Variants in IQCM observed in about 807,000 individuals in gnomAD.
The protein encoded by IQCM is IQ motif containing M.
IQCM carries 45 observed loss-of-function variants against 57.6 expected under a neutral mutation model. The ratio of observed to expected loss-of-function variants is 0.78; its 90% confidence interval spans 0.62 to 1.00. The LOEUF (loss-of-function observed/expected upper bound fraction) is 1.00. IQCM is among the 50% of genes least tolerant of loss of function. The pLI is 0.00. For missense variants in IQCM, 468 were observed against 511.6 expected (o/e 0.91, Z 0.82); for synonymous variants, 148 against 158.9 (o/e 0.93, Z 0.51).
rs577635868 is a variant in IQCM, at chr4:149,772,002, T to C, written c.-48-29263A>G. 2.6e-5 allele frequency among the ~76,000 whole-genome samples: 4 copies of C among 152,262 alleles called. No homozygotes were observed. In the South Asian group the frequency reaches 8.3e-4, roughly 32 times the overall value. On this transcript the variant is annotated intron_variant, in intron 2 of 13. Coordinates refer to ENST00000636793, the MANE Select transcript of IQCM (RefSeq NM_001363507.2). Reference sequence around the variant, plus strand: ...CTAGTTCTGTCCAGGTTAGCATTTGTTCTGGTAAAAATGTCCTGGCTGAAA... The same window carrying C: ...CTAGTTCTGTCCAGGTTAGCATTTGCTCTGGTAAAAATGTCCTGGCTGAAA...
At chr4:149,756,138 A>G (rs889858043) in intron 2 of IQCM, among the ~76,000 whole-genome samples, 1 of 151,830 alleles carries the variant, frequency 6.6e-6, no homozygotes, top group Non-Finnish European at 1.5e-5. Flanking sequence ...TTATATATTC[A>G]CTCCCTAGAC....
chr4:149,453,179 CA>C (rs1737318605), intron 12 of IQCM, among the ~76,000 whole-genome samples: 1 of 151,568 alleles, frequency 6.6e-6, no homozygotes, highest in South Asian at 2.1e-4. Flanking sequence ...TACCTCACAC[CA>C]TACACAAAAA....
At chr4:149,401,529 A>C (rs1030014297) in intron 13 of IQCM, among the ~76,000 whole-genome samples, 1 of 151,756 alleles carries the variant, frequency 6.6e-6, no homozygotes, top group Non-Finnish European at 1.5e-5. Flanking sequence ...CCAGTTTTTT[A>C]ATCAATATTT....
At chr4:149,388,957 G>GC (rs1291381188) in intron 13 of IQCM, among the ~76,000 whole-genome samples, 2 of 151,102 alleles carry the variant, frequency 1.3e-5, no homozygotes, top group African/African-American at 4.9e-5. Flanking sequence ...CTTGATGGGT[G>GC]CCCTGTGAAG....
At chr4:149,774,475 G>A (rs1437901682) in intron 2 of IQCM, among the ~76,000 whole-genome samples, 1 of 152,036 alleles carries the variant, frequency 6.6e-6, no homozygotes, top group African/African-American at 2.4e-5. Flanking sequence ...ATATCCCCAC[G>A]TGTGTAGAAC....
At chr4:149,559,752 G>A (rs1385618508) in intron 10 of IQCM, among the ~76,000 whole-genome samples, 1 of 152,170 alleles carries the variant, frequency 6.6e-6, no homozygotes, top group Non-Finnish European at 1.5e-5. Context: ...GTTAGCACAC[G>A]TTATGTAATA....
At chr4:149,639,657 A>T (rs1316418259) in intron 7 of IQCM, among the ~76,000 whole-genome samples, 1 of 152,054 alleles carries the variant, frequency 6.6e-6, no homozygotes, top group African/African-American at 2.4e-5. Flanking sequence ...GCAGTGGCTC[A>T]TGCCTATAAT....
At chr4:149,476,230 C>G (rs1740172527) in intron 12 of IQCM, among the ~76,000 whole-genome samples, 1 of 152,026 alleles carries the variant, frequency 6.6e-6, no homozygotes, top group East Asian at 1.9e-4. Context: ...AGGCAGGGCA[C>G]TGGATAGAAA....
At chr4:149,653,376 TA>T (rs1579861810) in intron 7 of IQCM, among the ~76,000 whole-genome samples, 1 of 152,192 alleles carries the variant, frequency 6.6e-6, no homozygotes, top group East Asian at 1.9e-4. Flanking sequence ...TAAACTCTTC[TA>T]AAGGCAAGGT....
intron 9 of IQCM, among the ~76,000 whole-genome samples, chr4:149,582,903 G>A (rs987831747): frequency 4.1e-5 from 6 of 147,296 alleles, no homozygotes; most frequent in East Asian, 2.0e-4. Context: ...AAAATAAGAG[G>A]ACTTGATCTC....
At chr4:149,472,816 C>T (rs542158507) in intron 12 of IQCM, among the ~76,000 whole-genome samples, 1 of 152,016 alleles carries the variant, frequency 6.6e-6, no homozygotes, top group East Asian at 1.9e-4. Context: ...GAAATAATAC[C>T]ACACATCTAC....
chr4:149,493,822 A>T (rs1295821513), intron 12 of IQCM, among the ~76,000 whole-genome samples: 1 of 149,492 alleles, frequency 6.7e-6, no homozygotes, highest in Non-Finnish European at 1.5e-5. Flanking sequence ...CACTGAGGAG[A>T]AAAAAAAAAT....
intron 1 of IQCM, 108 bp from the exon 2 acceptor site, chr4:149,815,456 T>C (rs1774971667): frequency 6.6e-6 from 1 of 151,992 alleles, no homozygotes; most frequent in African/African-American, 2.4e-5. Context: ...ATAAACATAA[T>C]TTTATCAAAT....
chr4:149,383,680 A>T (rs1731227053), intron 13 of IQCM, among the ~76,000 whole-genome samples: 1 of 152,172 alleles, frequency 6.6e-6, no homozygotes, highest in Non-Finnish European at 1.5e-5. Context: ...TAAGCCGTGC[A>T]TGGTGGCTTA....
At chr4:149,602,976 A>C (rs780110445) in intron 8 of IQCM, among the ~76,000 whole-genome samples, 10 of 152,138 alleles carry the variant, frequency 6.6e-5, no homozygotes, top group Admixed American at 2.0e-4. Flanking sequence ...CACTGCAAGG[A>C]ATTTATTGTA....
At chr4:149,418,366 T>A (rs1413800215) in intron 13 of IQCM, among the ~76,000 whole-genome samples, 1 of 151,940 alleles carries the variant, frequency 6.6e-6, no homozygotes, top group Non-Finnish European at 1.5e-5. Context: ...CCTGGACACA[T>A]ACACCCTCCC....
intron 13 of IQCM, among the ~76,000 whole-genome samples, chr4:149,357,196 G>A (rs1262083336): frequency 1.3e-5 from 2 of 152,170 alleles, no homozygotes; most frequent in African/African-American, 2.4e-5. Flanking sequence ...TGCAAACAGG[G>A]ACAATTTGAG....
chr4:149,735,588 T>G, intron 3 of IQCM, 130 bp from the exon 4 acceptor site: 1 of 408,688 alleles, frequency 2.4e-6, no homozygotes, highest in Non-Finnish European at 4.2e-6. Flanking sequence ...TAAGAAGAAA[T>G]ATAAGGTTGT....
At chr4:149,394,572 T>C in intron 13 of IQCM, among the ~76,000 whole-genome samples, 1 of 151,934 alleles carries the variant, frequency 6.6e-6, no homozygotes, top group Admixed American at 6.6e-5. Context: ...CATCTCACTT[T>C]CTCTTCTGAT....
Sources: allele counts gnomAD v4.1 joint callset (sites outside exome capture counted in the v4.1 genomes callset), GRCh38; gene constraint gnomAD v4.1.1; transcripts MANE v1.5; gene names NCBI Gene and HGNC (gene_info 2026-07-23, HGNC 2026-07-21).